Variants in GALNT8 observed in about 807,000 individuals in gnomAD.
GALNT8 encodes probable polypeptide N-acetylgalactosaminyltransferase 8.
Under a neutral mutation model 62.7 loss-of-function variants are expected in GALNT8, and 66 were observed. The ratio of observed to expected loss-of-function variants is 1.05; its 90% CI spans 0.86 to 1.29. The LOEUF (loss-of-function observed/expected upper bound fraction) is 1.29, where lower values mean the gene tolerates loss of function less well. GALNT8 is among the 50% of genes most tolerant of loss of function. GALNT8 has a pLI of 0.00. For synonymous variants in GALNT8, 288 were observed against 294.3 expected (o/e 0.98, Z 0.22); for missense variants, 771 against 791.8 (o/e 0.97, Z 0.32).
intron 6 of GALNT8, among the ~76,000 whole-genome samples, chr12:4,747,355 C>T (rs757235038): frequency 3.9e-5 from 6 of 152,096 alleles, no homozygotes; most frequent in Non-Finnish European, 8.8e-5. Flanking sequence ...TACCCATTAA[C>T]CATCCCCTCT....
At position 4,772,720 on chromosome 12, in the gene GALNT8, C is replaced by A; in HGVS notation, c.*123C>A. 2.7e-6 allele frequency: 2 copies of A among 744,716 alleles called. No homozygotes were observed. The highest frequency in any genetic ancestry group is 4.4e-6 in the Non-Finnish European group (2 of 454,604). 46.1% of individuals were successfully genotyped at this position (744,716 alleles called of 1,614,324 possible). A position where few individuals can be genotyped will look rare whatever the true frequency, so the allele number is the denominator to read the frequency against. On this transcript the variant is annotated 3_prime_UTR_variant, in exon 11 of 11. Coordinates refer to ENST00000252318, the MANE Select transcript of GALNT8 (RefSeq NM_017417.2). ...TGTGTATGTCTGTTTATGGCGACTT[C>A]AGGTGGGGCCTGTGCGTGTGCCGGG...
At chr12:4,756,527 G>C (rs550584225) in intron 6 of GALNT8, among the ~76,000 whole-genome samples, 4 of 152,104 alleles carry the variant, frequency 2.6e-5, no homozygotes, top group Non-Finnish European at 5.9e-5. Flanking sequence ...TTGTAATGCT[G>C]TCTCTGCTAA....
In GALNT8 at chr12:4,720,793, G is replaced by A. The variant is rs767334135; in HGVS notation, c.116G>A (p.Gly39Asp). 5 of 1,611,832 alleles carry A rather than the reference G, an allele frequency of 3.1e-6. No homozygotes were observed. Among genetic ancestry groups the A allele is most frequent in the Admixed American group, 1.7e-5 (1 of 60,012 alleles). ...GGGACTTTACAAAACCTGTTTACGGGTGGTCTCCACAGGGAGCTTCCTTTA... is the reference window on the plus strand; with the variant it reads ...GGGACTTTACAAAACCTGTTTACGGATGGTCTCCACAGGGAGCTTCCTTTA... ...SKGTLQNLFT[G>D]GLHRELPLHL... Residue 39 changes from glycine to aspartate, a missense_variant, in exon 1 of 11, where the codon GGT becomes GAT. Gly to Asp is a moderately conservative substitution (Grantham distance 94). Transcript: ENST00000252318.
intron 3 of GALNT8, among the ~76,000 whole-genome samples, chr12:4,743,840 C>A (rs1040778307): frequency 6.6e-6 from 1 of 152,100 alleles, no homozygotes; most frequent in East Asian, 1.9e-4. Flanking sequence ...AAGTGATTTG[C>A]CTGCAAGTGG....
chr12:4,744,570 C>T lies in GALNT8; in HGVS notation c.730C>T (p.Pro244Ser), dbSNP rs1487738949. ...EKIKLYNQKY[P>S]GLLKIIRHPE... ...GATTAAGCTTTACAACCAGAAGTAT[C>T]CAGGACTACTGAAAATAATACGGCA... Residue 244 changes from proline (P) to serine (S), a missense_variant, in exon 4 of 11, where the codon CCA becomes TCA. Coordinates refer to ENST00000252318, the MANE Select transcript of GALNT8 (RefSeq NM_017417.2). The T allele has an allele frequency of 6.2e-7, 1 of 1,612,414 alleles. No individual in the cohort carries two copies.
At position 4,720,437 on chromosome 12, in the gene GALNT8, A is replaced by AACCTGTGGAAAGCCGCTGAGCG; in HGVS notation, c.-240_-219dup. 1.9e-6 allele frequency: 1 copy of AACCTGTGGAAAGCCGCTGAGCG among 526,444 alleles called. No individual in the cohort carries two copies. 32.6% of individuals were successfully genotyped at this position (526,444 alleles called of 1,614,324 possible). A position where few individuals can be genotyped will look rare whatever the true frequency, so the allele number is the denominator to read the frequency against. Reference sequence around the variant, plus strand: ...AGCAACCTGTGGAAAGCCGCTGAGCAACCTGTGGAAAGCCGCTGAGCGGTT... The same window carrying AACCTGTGGAAAGCCGCTGAGCG: ...AGCAACCTGTGGAAAGCCGCTGAGCAACCTGTGGAAAGCCGCTGAGCGACCTGTGGAAAGCCGCTGAGCGGTT... On this transcript the variant is annotated 5_prime_UTR_variant, in exon 1 of 11. Transcript: ENST00000252318.
At chr12:4,747,352 T>G (rs1490795402) in intron 6 of GALNT8, among the ~76,000 whole-genome samples, 5 of 152,174 alleles carry the variant, frequency 3.3e-5, no homozygotes, top group African/African-American at 1.2e-4. Flanking sequence ...TTGTACCCAT[T>G]AACCATCCCC....
intron 6 of GALNT8, among the ~76,000 whole-genome samples, chr12:4,752,035 C>G (rs1360246085): frequency 6.6e-6 from 1 of 152,006 alleles, no homozygotes; most frequent in Non-Finnish European, 1.5e-5. Context: ...TAGTTTTTGT[C>G]TTGAAATCTA....
At chr12:4,743,849 G>T (rs4766286) in intron 3 of GALNT8, among the ~76,000 whole-genome samples, 58,448 of 152,002 alleles carry the variant, frequency 0.38, 11,507 homozygotes, top group Admixed American at 0.44. Flanking sequence ...GCCTGCAAGT[G>T]GTTTACTTAC....
At chr12:4,764,131 G>T in intron 9 of GALNT8, 84 bp downstream of exon 9, 2 of 802,320 alleles carry the variant, frequency 2.5e-6, no homozygotes, top group Non-Finnish European at 4.5e-6. Flanking sequence ...TCTGGACTCC[G>T]TGATACGTGA....
chr12:4,724,544 G>A (rs569969555), intron 1 of GALNT8, among the ~76,000 whole-genome samples: 38 of 152,192 alleles, frequency 2.5e-4, no homozygotes, highest in Non-Finnish European at 4.4e-5. Flanking sequence ...GAGGTAGGAA[G>A]AACCCAGTAC....
intron 2 of GALNT8, among the ~76,000 whole-genome samples, chr12:4,734,497 C>T (rs1246661444): frequency 6.6e-6 from 1 of 152,060 alleles, no homozygotes; most frequent in Non-Finnish European, 1.5e-5. Context: ...ACCTGCCCAC[C>T]ACATTTGAAT....
chr12:4,761,135 C>T lies in GALNT8; in HGVS notation c.1351C>T (p.Pro451Ser), dbSNP rs766622102. The T allele has an allele frequency of 9.9e-6, 16 of 1,613,078 alleles. No individual in the cohort carries two copies. Among genetic ancestry groups the T allele is most frequent in the South Asian group, 8.8e-5 (8 of 91,032 alleles). ...KHMVYLAWNI[P>S]LQNSGIDFGD... ...CATGGTCTACTTGGCCTGGAACATA[C>T]CTCTCCAGGTGAGTCATGGAATTGA... Residue 451 changes from proline (P) to serine (S), a missense_variant, in exon 7 of 11, where the codon CCT (proline) becomes TCT (serine). Pro to Ser is a moderately conservative substitution (Grantham distance 74, BLOSUM62 -1). Coordinates refer to ENST00000252318, the MANE Select transcript of GALNT8 (RefSeq NM_017417.2).
chr12:4,741,616 A>G (rs1946272697), intron 3 of GALNT8, among the ~76,000 whole-genome samples: 1 of 152,112 alleles, frequency 6.6e-6, no homozygotes, highest in Admixed American at 6.5e-5. Flanking sequence ...TATGGCCTAT[A>G]CGCTATGTTC....
At chr12:4,728,467 A>G (rs1280154798) in intron 2 of GALNT8, among the ~76,000 whole-genome samples, 1 of 152,112 alleles carries the variant, frequency 6.6e-6, no homozygotes, top group Non-Finnish European at 1.5e-5. Flanking sequence ...GTTTACACCC[A>G]TGTTTTCTTC....
intron 1 of GALNT8, among the ~76,000 whole-genome samples, chr12:4,725,525 G>A (rs149041825): frequency 0.012 from 1,758 of 147,832 alleles, 38 homozygotes; most frequent in African/African-American, 0.042. Flanking sequence ...CTGGGATTCT[G>A]TATTTTTAAC....
At chr12:4,762,663 A>C (rs1946378211) in intron 7 of GALNT8, among the ~76,000 whole-genome samples, 2 of 152,256 alleles carry the variant, frequency 1.3e-5, no homozygotes, top group African/African-American at 4.8e-5. Context: ...CTAGGGTTTA[A>C]GGTTTTTCCA....
chr12:4,746,169 G>C lies in GALNT8; in HGVS notation c.1084G>C (p.Ala362Pro), dbSNP rs1946298706. Residue 362 changes from alanine to proline, a missense_variant, in exon 6 of 11, where the codon GCT (alanine) becomes CCT (proline). Coordinates refer to ENST00000252318, the MANE Select transcript of GALNT8 (RefSeq NM_017417.2). ...GAGTCCTTCAATCATGGGCATCCTGGCTGCTAACAGGCACTTCCTGGGAGA... is the reference window on the plus strand; with the variant it reads ...GAGTCCTTCAATCATGGGCATCCTGCCTGCTAACAGGCACTTCCTGGGAGA... ...VKSPSIMGIL[A>P]ANRHFLGEIG... 3.7e-6 allele frequency: 6 copies of C among 1,611,564 alleles called. No individual in the cohort carries two copies. In the African/African-American group the frequency reaches 6.7e-5, roughly 18 times the overall value.
chr12:4,720,802 A>G lies in GALNT8; in HGVS notation c.125A>G (p.His42Arg), dbSNP rs1252385647. 4 of 1,612,006 alleles carry G rather than the reference A, an allele frequency of 2.5e-6. No homozygotes were observed. The highest frequency in any genetic ancestry group is 3.4e-6 in the Non-Finnish European group (4 of 1,178,148). Residue 42 changes from histidine to arginine, a missense_variant, in exon 1 of 11, where the codon CAC (histidine) becomes CGC (arginine). Transcript: ENST00000252318. ...TLQNLFTGGL[H>R]RELPLHLNKR... ...CAAAACCTGTTTACGGGTGGTCTCCACAGGGAGCTTCCTTTACATCTGAAT... is the reference window on the plus strand; with the variant it reads ...CAAAACCTGTTTACGGGTGGTCTCCGCAGGGAGCTTCCTTTACATCTGAAT...
Sources: allele counts gnomAD v4.1 joint callset (sites outside exome capture counted in the v4.1 genomes callset), GRCh38; gene constraint gnomAD v4.1.1; transcripts MANE v1.5; gene names NCBI Gene and HGNC (gene_info 2026-07-23, HGNC 2026-07-21).